Variants in EDARADD observed in about 807,000 individuals in gnomAD.
The protein encoded by EDARADD is EDAR associated via death domain.
Under a neutral mutation model 25.6 loss-of-function variants are expected in EDARADD, and 20 were observed. The observed-to-expected ratio is 0.78, with a 90% CI of 0.55 to 1.14. The LOEUF (loss-of-function observed/expected upper bound fraction) is 1.14. Among genes scored for constraint, EDARADD ranks in the 50% most tolerant of loss-of-function variants. EDARADD has a pLI of 0.00. For synonymous variants in EDARADD, 86 were observed against 94.4 expected (o/e 0.91, Z 0.52); for missense variants, 225 against 270.1 (o/e 0.83, Z 1.17).
chr1:236,416,288 G>A (rs978192439), intron 3 of EDARADD, among the ~76,000 whole-genome samples: 6 of 152,134 alleles, frequency 3.9e-5, no homozygotes, highest in African/African-American at 1.2e-4. Context: ...GGGGTGCAGG[G>A]AAATCCAGCC....
rs544407394 is a variant in EDARADD at position 236,363,296 on chromosome 1, T to C, written c.-6+12457T>C. Among the ~76,000 whole-genome samples, 55 of 152,042 alleles carry C rather than the reference T, an allele frequency of 3.6e-4. 1 individual carries two copies. Among genetic ancestry groups the C allele is most frequent in the African/African-American group, 1.3e-3 (53 of 41,528 alleles). Reference sequence around the variant, plus strand: ...CCCACCCAAATCTCATGTCAAGTAGTAATCCCAATGTAGGGGGTGAGGCCT... The same window carrying C: ...CCCACCCAAATCTCATGTCAAGTAGCAATCCCAATGTAGGGGGTGAGGCCT... On this transcript the variant is annotated intron_variant, in intron 3 of 7. Coordinates refer to the EDARADD transcript ENST00000439430.
In EDARADD at chr1:236,409,117, A is replaced by G. The variant is rs1667790471; in HGVS notation, c.62-99A>G. Reference sequence around the variant, plus strand: ...TAAGGTTTTCTTCAGCCTAAGTAAAATTACTTGCCTCTGTATAGAGACAGT... The same window carrying G: ...TAAGGTTTTCTTCAGCCTAAGTAAAGTTACTTGCCTCTGTATAGAGACAGT... On this transcript the variant is annotated intron_variant, in intron 1 of 5. Transcript: ENST00000334232. 4.2e-6 allele frequency: 3 copies of G among 707,660 alleles called. No homozygotes were observed. The South Asian group carries it at 7.7e-5, about 18-fold the overall frequency. 43.8% of individuals were successfully genotyped at this position (707,660 alleles called of 1,614,324 possible).
At position 236,361,385 on chromosome 1, in the gene EDARADD, G is replaced by A. The variant is rs181375401; in HGVS notation, c.-6+10546G>A. ...GGCTGGAGTGCAGTGGCGCGATCTC[G>A]GCTCACTGCAACCTCCACCTCCGGG... On this transcript the variant is annotated intron_variant, in intron 3 of 7. Transcript: ENST00000439430. Among the ~76,000 whole-genome samples the A allele has an allele frequency of 6.2e-3, 942 of 151,368 alleles. 12 individuals are homozygous for A. The highest frequency in any genetic ancestry group is 0.021 in the African/African-American group (881 of 41,228).
chr1:236,351,385 G>A (rs926436259), intron 3 of EDARADD, among the ~76,000 whole-genome samples: 9 of 152,132 alleles, frequency 5.9e-5, no homozygotes, highest in South Asian at 4.2e-4. Context: ...GACCGTGGCC[G>A]GTGTCCAGGC....
At chr1:236,365,149 CT>C (rs1553262383) in intron 3 of EDARADD, among the ~76,000 whole-genome samples, 7 of 150,230 alleles carry the variant, frequency 4.7e-5, no homozygotes, top group South Asian at 2.1e-4. Flanking sequence ...GTTTTCTTTT[CT>C]TTTTTTTTTC....
intron 4 of EDARADD, among the ~76,000 whole-genome samples, chr1:236,434,727 A>C (rs6674481): frequency 0.02 from 3,117 of 152,200 alleles, 46 homozygotes; most frequent in Non-Finnish European, 0.034. Flanking sequence ...AGCTTAGGTG[A>C]TGAGGCTGGA....
chr1:236,403,041 C>T (rs769321306), intron 1 of EDARADD, among the ~76,000 whole-genome samples: 1 of 152,014 alleles, frequency 6.6e-6, no homozygotes, highest in Non-Finnish European at 1.5e-5. Context: ...CCGAAATCTC[C>T]GCCTCCTGGG....
upstream of EDARADD, among the ~76,000 whole-genome samples, chr1:236,393,985 CTA>C (rs1285080960): frequency 1.5e-5 from 2 of 130,804 alleles, no homozygotes; most frequent in Non-Finnish European, 3.2e-5. Context: ...AACTACGTAA[CTA>C]GTCAATCTTC....
At chr1:236,392,010 A>T (rs4659664), upstream of EDARADD, among the ~76,000 whole-genome samples, 113,610 of 152,098 alleles carry the variant, frequency 0.75, 44,550 homozygotes, top group East Asian at 0.92. Context: ...TTTCTCCAGT[A>T]CTATAGCAAA....
At position 236,484,135 on chromosome 1, in the gene EDARADD, A is replaced by G. The variant is rs1659762731; in HGVS notation, c.*1486A>G. 1 of 1,456,612 alleles carries G rather than the reference A, an allele frequency of 6.9e-7. No individual in the cohort carries two copies. Among genetic ancestry groups the G allele is most frequent in the African/African-American group, 1.4e-5 (1 of 71,782 alleles). The allele number at this position is 1,456,612 out of a possible 1,614,324, so 90.2% of individuals were successfully genotyped here. On this transcript the variant is annotated 3_prime_UTR_variant, in exon 6 of 6. Coordinates refer to ENST00000334232, the MANE Select transcript of EDARADD (RefSeq NM_145861.4). The surrounding 1 kb of genome is among the most constrained non-coding windows in gnomAD (Gnocchi z 4.1). ...GTGGAGGATGATCTCAGAGTGACCA[A>G]CCCAAAGAGGACAGCCTCGGCCGTG...
At position 236,483,590 on chromosome 1, in the gene EDARADD, A is replaced by G; in HGVS notation, c.*941A>G. 6.8e-7 allele frequency: 1 copy of G among 1,468,604 alleles called. No homozygotes were observed. Among genetic ancestry groups the G allele is most frequent in the Non-Finnish European group, 9.5e-7 (1 of 1,049,626 alleles). The allele number at this position is 1,468,604 out of a possible 1,614,324, so 91.0% of individuals were successfully genotyped here. ...TCGCCGACTTGTCTGGCAACTCCAA[A>G]GTCATCTTGCCAGTCCCGGTGTTCA... On this transcript the variant is annotated 3_prime_UTR_variant, in exon 6 of 6. Transcript: ENST00000334232.
At chr1:236,457,006 G>T (rs1240649025) in intron 4 of EDARADD, among the ~76,000 whole-genome samples, 1 of 151,982 alleles carries the variant, frequency 6.6e-6, no homozygotes, top group Non-Finnish European at 1.5e-5. Flanking sequence ...GTCAACTGTT[G>T]TTCTCATTTT....
At chr1:236,408,637 G>A (rs1364748774) in intron 1 of EDARADD, among the ~76,000 whole-genome samples, 1 of 152,084 alleles carries the variant, frequency 6.6e-6, no homozygotes, top group East Asian at 2.0e-4. Context: ...CAGTGCTTTG[G>A]GAGGCTGAGG....
chr1:236,480,135 A>ATATC (rs1257964139), intron 5 of EDARADD, among the ~76,000 whole-genome samples: 4 of 135,512 alleles, frequency 3.0e-5, no homozygotes, highest in Non-Finnish European at 6.4e-5. Flanking sequence ...ATATATATAT[A>ATATC]TCACATTTTC....
At chr1:236,461,489 A>G (rs1355530328) in intron 4 of EDARADD, among the ~76,000 whole-genome samples, 1 of 152,156 alleles carries the variant, frequency 6.6e-6, no homozygotes, top group African/African-American at 2.4e-5. Flanking sequence ...CTGGTTCTCT[A>G]TTCTGTCCCA....
intron 3 of EDARADD, among the ~76,000 whole-genome samples, chr1:236,353,397 G>C (rs1176144502): frequency 1.3e-5 from 2 of 152,082 alleles, no homozygotes; most frequent in African/African-American, 4.8e-5. Flanking sequence ...TAAGATGTTG[G>C]ACAGCCAGGC....
intron 3 of EDARADD, among the ~76,000 whole-genome samples, chr1:236,425,532 C>A (rs665049): frequency 2.6e-5 from 4 of 152,004 alleles, no homozygotes; most frequent in Admixed American, 2.6e-4. Context: ...ACAAACAGTG[C>A]CTGTACAGCT....
At chr1:236,479,071 T>C (rs1354343967) in intron 5 of EDARADD, among the ~76,000 whole-genome samples, 4 of 152,188 alleles carry the variant, frequency 2.6e-5, no homozygotes, top group Non-Finnish European at 4.4e-5. Context: ...CAGTGTATAC[T>C]GCTCGGGTGA....
At chr1:236,417,943 T>C (rs1450989686) in intron 3 of EDARADD, among the ~76,000 whole-genome samples, 9 of 129,648 alleles carry the variant, frequency 6.9e-5, no homozygotes, top group African/African-American at 1.1e-4. Context: ...TTTTTTTTTT[T>C]CTCTTCTTTT....
Sources: gnomAD v4.1 joint callset for allele counts (sites outside exome capture counted in the v4.1 genomes callset) on GRCh38, gnomAD v4.1.1 for gene constraint, Gnocchi (gnomAD v3.1) non-coding constraint, MANE v1.5 for transcripts, NCBI Gene and HGNC (gene_info 2026-07-23, HGNC 2026-07-21) for gene names.